The following LRP1B variants were observed in gnomAD, a reference collection of about 807,000 sequenced individuals.
LRP1B encodes LDL receptor related protein 1B.
Under a neutral mutation model 556.6 loss-of-function variants are expected in LRP1B, and 217 were observed. The observed-to-expected ratio is 0.39, with a 90% CI of 0.35 to 0.44. The LOEUF is 0.44. Ranked by LOEUF, LRP1B falls within the 20% of genes least tolerant of loss-of-function variation. LRP1B has a pLI of 1.00. For synonymous variants in LRP1B, 2,047 were observed against 1,865.8 expected, an observed-to-expected ratio of 1.10 and a Z score of -2.50; for missense variants, 5,053 against 5,620.8, an observed-to-expected ratio of 0.90 and a Z score of 3.23.
intron 46 of LRP1B, among the ~76,000 whole-genome samples, chr2:140,536,371 G>A (rs1275539431): frequency 7.5e-6 from 1 of 133,334 alleles, no homozygotes; most frequent in Non-Finnish European, 1.6e-5. Flanking sequence ...AAACCATGAG[G>A]AAATTATTTA....
Position 140,536,653 on chromosome 2 carries a change from T to G in LRP1B, c.7570A>C (p.Ile2524Leu), listed in dbSNP as rs1382847087. The change falls in exon 46 of 91, where the codon ATT becomes CTT. Residue 2524 changes from isoleucine to leucine, a missense_variant. Coordinates refer to ENST00000389484, the MANE Select transcript of LRP1B (RefSeq NM_018557.3). ...SEFECGNGEC[I>L]DYQLTCDGIP... ...CCATCACAGGTGAGCTGGTAGTCAA[T>G]GCACTCACCATTTCCACATTCAAAC... The G allele has an allele frequency of 6.2e-7, 1 of 1,610,246 alleles. No homozygotes were observed. The highest frequency in any genetic ancestry group is 2.2e-5 in the East Asian group (1 of 44,690).
At chr2:140,614,436 A>T (rs185393699) in intron 41 of LRP1B, among the ~76,000 whole-genome samples, 124 of 152,140 alleles carry the variant, frequency 8.2e-4, no homozygotes, top group African/African-American at 2.8e-3. Context: ...CCTGTTTATT[A>T]TGGTTGAATA....
At chr2:140,371,333 G>C (rs370765514) in intron 69 of LRP1B, 48 bp from the exon 70 acceptor site, 1 of 1,013,442 alleles carries the variant, frequency 9.9e-7, no homozygotes, top group Non-Finnish European at 1.4e-6. Context: ...AAAATAACAG[G>C]TTTTAGAAAT....
chr2:140,859,666 AT>A (rs1320541192), intron 27 of LRP1B, among the ~76,000 whole-genome samples: 1 of 152,108 alleles, frequency 6.6e-6, no homozygotes, highest in African/African-American at 2.4e-5. Context: ...GCATTATTTT[AT>A]TTATTCCTCT....
intron 47 of LRP1B, among the ~76,000 whole-genome samples, chr2:140,527,856 T>G (rs1196810075): frequency 2.6e-5 from 4 of 152,024 alleles, no homozygotes; most frequent in African/African-American, 9.7e-5. Flanking sequence ...AGTTTCTTAC[T>G]AACTTTGTTC....
intron 1 of LRP1B, among the ~76,000 whole-genome samples, chr2:141,869,802 A>G (rs1422981166): frequency 6.6e-6 from 1 of 152,104 alleles, no homozygotes; most frequent in Non-Finnish European, 1.5e-5. Context: ...TGTTAGATAA[A>G]TTTCCCAATT....
chr2:140,891,960 G>T (rs541991644), intron 23 of LRP1B, among the ~76,000 whole-genome samples: 2 of 152,088 alleles, frequency 1.3e-5, no homozygotes, highest in South Asian at 4.2e-4. Flanking sequence ...TTAACAAGTT[G>T]TAAGAATCCT....
intron 1 of LRP1B, among the ~76,000 whole-genome samples, chr2:142,028,380 C>A (rs1182171837): frequency 6.6e-6 from 1 of 151,962 alleles, no homozygotes; most frequent in Non-Finnish European, 1.5e-5. Flanking sequence ...CTGACCTATT[C>A]ATTCTTCCAG....
At chr2:141,484,669 G>A (rs569623375) in intron 2 of LRP1B, among the ~76,000 whole-genome samples, 82 of 152,104 alleles carry the variant, frequency 5.4e-4, no homozygotes, top group African/African-American at 2.0e-3. Context: ...TCCTTGAAGA[G>A]GTCCTTCACA....
chr2:141,510,011 A>G (rs1684064284), intron 2 of LRP1B, among the ~76,000 whole-genome samples: 1 of 152,162 alleles, frequency 6.6e-6, no homozygotes, highest in African/African-American at 2.4e-5. Flanking sequence ...AGAGATAAGG[A>G]GAAAAGCCAA....
rs563884934 is a variant in LRP1B, at chr2:141,221,495, T to C, written c.850+7688A>G. Among the ~76,000 whole-genome samples, 4 of 152,108 alleles carry C rather than the reference T, an allele frequency of 2.6e-5. No homozygotes were observed. The South Asian group carries it at 8.3e-4, about 32-fold the overall frequency. On this transcript the variant is annotated intron_variant, in intron 6 of 90. Coordinates refer to ENST00000389484, the MANE Select transcript of LRP1B (RefSeq NM_018557.3). ...CACCCCACTGTCAATATTATACAGA[T>C]TGAGATAAAACAAAAATATTAGACA... is the stretch of plus-strand genomic sequence containing the variant.
chr2:141,462,175 A>C (rs1681902777), intron 3 of LRP1B, among the ~76,000 whole-genome samples: 1 of 152,112 alleles, frequency 6.6e-6, no homozygotes, highest in Admixed American at 6.6e-5. Context: ...TATATATTTC[A>C]TTTGTAGTTC....
At chr2:140,886,435 A>T in intron 23 of LRP1B, 100 bp from the exon 24 acceptor site, 1 of 664,944 alleles carries the variant, frequency 1.5e-6, no homozygotes, top group Non-Finnish European at 2.4e-6. Context: ...AATTTATTAC[A>T]TAATTCTCTG....
chr2:141,867,263 C>T (rs1698442618), intron 1 of LRP1B, among the ~76,000 whole-genome samples: 1 of 151,882 alleles, frequency 6.6e-6, no homozygotes, highest in African/African-American at 2.4e-5. Context: ...TGAACACTGC[C>T]TTTCTATTCT....
In LRP1B at chr2:141,658,161, G is replaced by A. The variant is rs570481244; in HGVS notation, c.205+152118C>T. On this transcript the variant is annotated intron_variant, in intron 2 of 90. Transcript: ENST00000389484. ...GGAAAAAAATTATTGAGGGGGATGAGAGGAAAAGGTAAAAGAAAAAAACTT... is the reference window on the plus strand; with the variant it reads ...GGAAAAAAATTATTGAGGGGGATGAAAGGAAAAGGTAAAAGAAAAAAACTT... Among the ~76,000 whole-genome samples, 97 of 152,280 alleles carry A rather than the reference G, an allele frequency of 6.4e-4. 2 individuals are homozygous for A. The South Asian group carries it at 0.014, about 21-fold the overall frequency.
chr2:141,998,446 A>G (rs1418497278), intron 1 of LRP1B, among the ~76,000 whole-genome samples: 1 of 152,226 alleles, frequency 6.6e-6, no homozygotes, highest in Non-Finnish European at 1.5e-5. Context: ...TTCTAAAATC[A>G]TTATCAATTT....
At chr2:141,353,413 C>T (rs1688514097) in intron 3 of LRP1B, among the ~76,000 whole-genome samples, 1 of 151,994 alleles carries the variant, frequency 6.6e-6, no homozygotes, top group South Asian at 2.1e-4. Context: ...TTCTATCAAA[C>T]TCTGAAATTC....
intron 1 of LRP1B, among the ~76,000 whole-genome samples, chr2:141,918,236 C>CG (rs1700089912): frequency 1.3e-5 from 2 of 151,712 alleles, no homozygotes; most frequent in Admixed American, 1.3e-4. Context: ...TAATTATTTT[C>CG]TTATATATAT....
intron 2 of LRP1B, among the ~76,000 whole-genome samples, chr2:141,725,285 C>A (rs930350413): frequency 1.6e-4 from 25 of 151,864 alleles, no homozygotes; most frequent in African/African-American, 5.1e-4. Flanking sequence ...TATAAATAAA[C>A]CTTTCAAAAA....
Sources: gnomAD v4.1 joint callset for allele counts (sites outside exome capture counted in the v4.1 genomes callset) on GRCh38, gnomAD v4.1.1 for gene constraint, MANE v1.5 for transcripts, NCBI Gene and HGNC (gene_info 2026-07-23, HGNC 2026-07-21) for gene names.